Variants in PPOX observed in about 807,000 individuals in gnomAD.
PPOX encodes the protein variegate porphyria.
PPOX carries 23 observed loss-of-function variants against 54.1 expected under a neutral mutation model. The ratio of observed to expected loss-of-function variants is 0.43; its 90% CI spans 0.31 to 0.60. The LOEUF (loss-of-function observed/expected upper bound fraction) is 0.60. PPOX is among the 20% of genes least tolerant of loss of function. The pLI, the probability that PPOX is intolerant of heterozygous loss-of-function variation, is 0.13. For missense variants in PPOX, 512 were observed against 601.1 expected (o/e 0.85, Z 1.55); for synonymous variants, 224 against 236.1 (o/e 0.95, Z 0.47).
At chr1:161,177,361 T>A, downstream of PPOX, 3 of 424,062 alleles carry the variant, frequency 7.1e-6, no homozygotes, top group Non-Finnish European at 1.3e-5. Context: ...AACTTCTCAC[T>A]CTCTCGAATG....
chr1:161,170,869 T>G, intron 11 of PPOX, 38 bp from the exon 12 acceptor site: 1 of 1,613,902 alleles, frequency 6.2e-7, no homozygotes, highest in Non-Finnish European at 8.5e-7. Context: ...AGGACATCAA[T>G]AATAAACTTT....
At chr1:161,174,873 T>G (rs905454184), downstream of PPOX, 18 of 1,099,788 alleles carry the variant, frequency 1.6e-5, no homozygotes, top group Non-Finnish European at 2.3e-5. Context: ...TTCTCCACAC[T>G]CTAACAGTCT....
chr1:161,169,965 A>C lies in PPOX; in HGVS notation c.928A>C (p.Thr310Pro), dbSNP rs1173960335. The C allele has an allele frequency of 6.2e-7, 1 of 1,614,096 alleles. No individual in the cohort carries two copies. The highest frequency in any genetic ancestry group is 1.1e-5 in the South Asian group (1 of 91,078). ...APLARALSAI[T>P]AVSVAVVNLQ... is the part of the protein sequence containing the mutation. ...TCTGGCTCGTGCCCTGAGTGCCATC[A>C]CTGCAGTGTCTGTAGCTGTGGTGAA... Residue 310 changes from threonine (T) to proline (P), a missense_variant, in exon 9 of 13, where the codon ACT (threonine) becomes CCT (proline). Physicochemically the swap from Thr to Pro is conservative, Grantham distance 38 (BLOSUM62 -1). Coordinates refer to ENST00000367999, the MANE Select transcript of PPOX (RefSeq NM_001122764.3).
chr1:161,175,664 A>ATCTCAACCTCAGCCCTCTC (rs1663226634), downstream of PPOX: 2 of 1,260,234 alleles, frequency 1.6e-6, no homozygotes, highest in Admixed American at 2.2e-5. Flanking sequence ...TCAGCCCTCT[A>ATCTCAACCTCAGCCCTCTC]TCTCAACCTC....
Position 161,167,869 on chromosome 1 carries a change from C to A in PPOX, c.339-126C>A, listed in dbSNP as rs887700351. The A allele has an allele frequency of 2.0e-6, 3 of 1,493,046 alleles. No individual in the cohort carries two copies. The Admixed American group carries it at 5.1e-5, about 26-fold the overall frequency. The allele number at this position is 1,493,046 out of a possible 1,614,324, so 92.5% of individuals were successfully genotyped here. On this transcript the variant is annotated intron_variant, in intron 4 of 12. Coordinates refer to ENST00000367999, the MANE Select transcript of PPOX (RefSeq NM_001122764.3). The stretch of plus-strand genomic sequence containing the variant: ...TGAGCCACCACGCCCGACCTGCCTT[C>A]CATTTCTTCATCTCCCTGTCAGCCT...
At position 161,168,445 on chromosome 1, in the gene PPOX, C is replaced by G; in HGVS notation, c.485C>G (p.Ala162Gly). The G allele has an allele frequency of 1.2e-6, 2 of 1,614,154 alleles. No individual in the cohort carries two copies. The highest frequency in any genetic ancestry group is 1.7e-6 in the Non-Finnish European group (2 of 1,180,028). Residue 162 changes from alanine to glycine, a missense_variant, in exon 6 of 13, where the codon GCC becomes GGC. Transcript: ENST00000367999. The stretch of plus-strand genomic sequence containing the variant: ...CTCACCCTTAAGGTGGCGTCTCTAG[C>G]CATGGACAGTCTCTGCCGTGGAGTG... ...RRLGPEVASL[A>G]MDSLCRGVFA...
upstream of PPOX, chr1:161,166,108 T>G: frequency 2.0e-6 from 2 of 985,382 alleles, no homozygotes; most frequent in Non-Finnish European, 2.4e-6. Context: ...AGTGTCCCTA[T>G]CTATTCTCCC....
Position 161,176,870 on chromosome 1 carries a change from C to T in PPOX, c.394C>T (p.Arg132Ter), listed in dbSNP as rs1225913853. The T allele has an allele frequency of 6.5e-7, 1 of 1,535,962 alleles. No individual in the cohort carries two copies. Among genetic ancestry groups the T allele is most frequent in the South Asian group, 1.2e-5 (1 of 84,040 alleles). Residue 132 changes from arginine (R) to a stop codon, truncating the protein, a stop_gained, in exon 5 of 5, where the codon CGA becomes TGA. Coordinates refer to the PPOX transcript ENST00000497522. LOFTEE classifies it low-confidence loss of function (END_TRUNC). ...CCAGACCAAGAACCAGTTGAAGTGG[C>T]GACAGAGTCATGACAGGACCGTGGA... is the stretch of plus-strand genomic sequence containing the variant.
At chr1:161,175,868 G>A, downstream of PPOX, 1 of 1,614,120 alleles carries the variant, frequency 6.2e-7, no homozygotes, top group East Asian at 2.2e-5. Context: ...GGACCCCCTG[G>A]GGCCCCAGGC....
At chr1:161,176,061 CCTGGGGG>C, downstream of PPOX, 1 of 1,613,920 alleles carries the variant, frequency 6.2e-7, no homozygotes, top group Non-Finnish European at 8.5e-7. Flanking sequence ...TCCGCAACAT[CCTGGGGG>C]TGAGATCTAG....
chr1:161,169,226 A>G (rs750369559), intron 7 of PPOX, 43 bp downstream of exon 7: 6 of 1,606,092 alleles, frequency 3.7e-6, no homozygotes, highest in East Asian at 2.2e-5. Flanking sequence ...CAGTGTTTCC[A>G]TCTTTATCCA....
At chr1:161,168,372 T>C (rs539833326) in intron 5 of PPOX, 60 bp from the exon 6 acceptor site, 1 of 1,610,334 alleles carries the variant, frequency 6.2e-7, no homozygotes, top group African/African-American at 1.3e-5. Flanking sequence ...AAATAGGGGC[T>C]GTGGAAATCA....
chr1:161,169,660 G>C lies in PPOX; in HGVS notation c.808G>C (p.Val270Leu). 6.2e-7 allele frequency: 1 copy of C among 1,614,060 alleles called. No individual in the cohort carries two copies. The highest frequency in any genetic ancestry group is 8.5e-7 in the Non-Finnish European group (1 of 1,179,924). Residue 270 changes from valine (V) to leucine (L), a missense_variant and splice_region_variant, in exon 8 of 13, where the codon GTA becomes CTA. Physicochemically the swap from Val to Leu is conservative, Grantham distance 32. Coordinates refer to ENST00000367999, the MANE Select transcript of PPOX (RefSeq NM_001122764.3). ...LSLQAEGRWKVSLRDSSLEAD... is the reference protein window; with the variant it reads ...LSLQAEGRWKLSLRDSSLEAD... ...CTCTCAAATGTTTTCATGCTCTCAG[G>C]TATCTCTAAGGGACAGCAGTCTGGA...
In PPOX at chr1:161,168,515, C is replaced by G; in HGVS notation, c.555C>G (p.Pro185=). Residue 185 remains proline (P), a synonymous_variant, in exon 6 of 13, where the codon CCC becomes CCG. Transcript: ENST00000367999. ...SRELSIRSCF[P]SLFQAEQTHR... is the part of the protein sequence containing the mutation. ...AGCTCAGCATCAGGTCCTGCTTTCC[C>G]AGTCTCTTCCAAGCTGAGCAAACCC... The G allele has an allele frequency of 6.2e-7, 1 of 1,614,176 alleles. No homozygotes were observed. Among genetic ancestry groups the G allele is most frequent in the Non-Finnish European group, 8.5e-7 (1 of 1,180,028 alleles).
downstream of PPOX, chr1:161,172,155 A>G: frequency 1.2e-6 from 2 of 1,612,026 alleles, no homozygotes; most frequent in Non-Finnish European, 1.7e-6. Context: ...GACCTTTAGG[A>G]TTTTCCTGGC....
downstream of PPOX, among the ~76,000 whole-genome samples, chr1:161,175,571 G>A (rs1344628185): frequency 2.0e-5 from 3 of 152,168 alleles, no homozygotes; most frequent in African/African-American, 7.2e-5. Flanking sequence ...GGCAGGAAGA[G>A]CCCATAAAGG....
rs1200338773 is a variant in PPOX, at chr1:161,168,498, A to C, written c.538A>C (p.Ile180Leu). The change falls in exon 6 of 13, where the codon ATC becomes CTC. Residue 180 changes from isoleucine to leucine, a missense_variant. Ile to Leu is a conservative substitution (Grantham distance 5). Transcript: ENST00000367999. ...TGCAGGCAACAGCCGTGAGCTCAGC[A>C]TCAGGTCCTGCTTTCCCAGTCTCTT... ...VFAGNSRELS[I>L]RSCFPSLFQA... The C allele has an allele frequency of 6.2e-7, 1 of 1,614,060 alleles. No individual in the cohort carries two copies. Among genetic ancestry groups the C allele is most frequent in the Non-Finnish European group, 8.5e-7 (1 of 1,180,028 alleles).
upstream of PPOX, chr1:161,166,061 G>A (rs1658784166): frequency 3.1e-6 from 3 of 980,372 alleles, no homozygotes; most frequent in Non-Finnish European, 3.6e-6. Context: ...ACATCAAGGA[G>A]CTGTTTATGG....
intron 7 of PPOX, 50 bp downstream of exon 7, chr1:161,169,233 T>C: frequency 1.2e-6 from 2 of 1,602,250 alleles, no homozygotes; most frequent in Non-Finnish European, 1.7e-6. Context: ...TCCATCTTTA[T>C]CCAAGTGGCT....
Sources: gnomAD v4.1 joint callset for allele counts (sites outside exome capture counted in the v4.1 genomes callset) on GRCh38, gnomAD v4.1.1 for gene constraint, MANE v1.5 for transcripts, NCBI Gene and HGNC (gene_info 2026-07-23, HGNC 2026-07-21) for gene names.